GRIA2: variants seen among roughly 807,000 people sequenced by gnomAD.
GRIA2 encodes glutamate ionotropic receptor AMPA type subunit 2.
A neutral mutation model predicts 97.3 loss-of-function variants in GRIA2; 14 were observed. The observed-to-expected ratio is 0.14, with a 90% confidence interval of 0.10 to 0.23. GRIA2 has a LOEUF of 0.23. GRIA2 is among the 10% of genes least tolerant of loss of function. GRIA2 has a pLI of 1.00. For synonymous variants in GRIA2, 412 were observed against 387.8 expected, an observed-to-expected ratio of 1.06 and a Z score of -0.73; for missense variants, 558 against 1,069.8, an observed-to-expected ratio of 0.52 and a Z score of 6.67.
chr4:157,235,295 T>G (rs1730193629), intron 2 of GRIA2, among the ~76,000 whole-genome samples: 1 of 152,124 alleles, frequency 6.6e-6, no homozygotes, highest in Admixed American at 6.6e-5. Flanking sequence ...TACCAATCTG[T>G]TATTGTCTGA....
chr4:157,270,464 A>G (rs1029675413), intron 2 of GRIA2, among the ~76,000 whole-genome samples: 1 of 152,170 alleles, frequency 6.6e-6, no homozygotes, highest in Non-Finnish European at 1.5e-5. Flanking sequence ...ATTTTCCTTG[A>G]TTATTAAAAT....
At chr4:157,290,174 A>G (rs963659595) in intron 2 of GRIA2, among the ~76,000 whole-genome samples, 1 of 151,896 alleles carries the variant, frequency 6.6e-6, no homozygotes, top group Admixed American at 6.6e-5. Flanking sequence ...ATTTCATTCA[A>G]TTAAGTGGTA....
Position 157,364,774 on chromosome 4 carries a change from T to A in GRIA2, c.*1343T>A, listed in dbSNP as rs1736808406. ...AATTTTAAAATATGTTTGAGTCTCC[T>A]GCAATATAGTTTCATCCCATTGACA... On this transcript the variant is annotated 3_prime_UTR_variant, in exon 16 of 16. Coordinates refer to ENST00000264426, the MANE Select transcript of GRIA2 (RefSeq NM_001083619.3). The A allele has an allele frequency of 6.6e-6, 1 of 152,132 alleles. No homozygotes were observed. Among genetic ancestry groups the A allele is most frequent in the Non-Finnish European group, 1.5e-5 (1 of 67,780 alleles). 9.4% of individuals were successfully genotyped at this position (152,132 alleles called of 1,614,324 possible).
intron 3 of GRIA2, among the ~76,000 whole-genome samples, chr4:157,310,726 A>G (rs12331234): frequency 0.36 from 54,265 of 151,894 alleles, 10,222 homozygotes; most frequent in African/African-American, 0.48. Flanking sequence ...AATGAGATCC[A>G]TATATCGCAA....
At chr4:157,277,882 G>GTATATATGTATATATATGTATATACGTA (rs1560743395) in intron 2 of GRIA2, among the ~76,000 whole-genome samples, 1 of 140,996 alleles carries the variant, frequency 7.1e-6, no homozygotes, top group Non-Finnish European at 1.5e-5. Context: ...GTATATATAT[G>GTATATATGTATATATATGTATATACGTA]TATATATGTA....
At position 157,365,229 on chromosome 4, in the gene GRIA2, A is replaced by G. The variant is rs1217370344; in HGVS notation, c.*1798A>G. 2 of 151,710 alleles carry G rather than the reference A, an allele frequency of 1.3e-5. No homozygotes were observed. The highest frequency in any genetic ancestry group is 3.0e-5 in the Non-Finnish European group (2 of 67,676). 9.4% of individuals were successfully genotyped at this position (151,710 alleles called of 1,614,324 possible). On this transcript the variant is annotated 3_prime_UTR_variant, in exon 16 of 16. Coordinates refer to ENST00000264426, the MANE Select transcript of GRIA2 (RefSeq NM_001083619.3). ...ATGTGGTATCATGATATTCTTCACT[A>G]AATTTAGCTGTCCCTAATCACAGAT... is the stretch of plus-strand genomic sequence containing the variant.
At chr4:157,247,347 T>C (rs1385455839) in intron 2 of GRIA2, among the ~76,000 whole-genome samples, 3 of 152,174 alleles carry the variant, frequency 2.0e-5, no homozygotes, top group Non-Finnish European at 2.9e-5. Flanking sequence ...TGCAGGATCA[T>C]TGTGATTGAT....
chr4:157,330,090 G>A (rs1734982027), intron 6 of GRIA2, among the ~76,000 whole-genome samples: 1 of 151,896 alleles, frequency 6.6e-6, no homozygotes, highest in African/African-American at 2.4e-5. Context: ...AGAGAACAAG[G>A]TAAACATGAA....
chr4:157,336,852 T>C, intron 11 of GRIA2, 105 bp downstream of exon 11: 1 of 1,036,462 alleles, frequency 9.6e-7, no homozygotes, highest in Non-Finnish European at 1.4e-6. Flanking sequence ...CGACTTCCTG[T>C]CCAAGCAGTT....
intron 12 of GRIA2, among the ~76,000 whole-genome samples, chr4:157,359,116 TA>T (rs1269219389): frequency 1.3e-5 from 2 of 152,194 alleles, no homozygotes; most frequent in Non-Finnish European, 2.9e-5. Flanking sequence ...TGAGTCTGAA[TA>T]GGAAGTATTC....
At chr4:157,351,857 T>C (rs1736024799) in intron 12 of GRIA2, among the ~76,000 whole-genome samples, 1 of 152,210 alleles carries the variant, frequency 6.6e-6, no homozygotes, top group South Asian at 2.1e-4. Context: ...TTCACCACAA[T>C]TTTAAGTTAA....
At chr4:157,350,588 T>A (rs1046043213) in intron 12 of GRIA2, among the ~76,000 whole-genome samples, 10 of 151,536 alleles carry the variant, frequency 6.6e-5, no homozygotes, top group Non-Finnish European at 1.5e-5. Flanking sequence ...AAAAAAAGGC[T>A]CTAATGAAAT....
chr4:157,225,906 A>G (rs1729723580), intron 2 of GRIA2, among the ~76,000 whole-genome samples: 2 of 152,162 alleles, frequency 1.3e-5, no homozygotes, highest in African/African-American at 2.4e-5. Flanking sequence ...TTAGGAAAAT[A>G]CTAAGTATTT....
intron 2 of GRIA2, among the ~76,000 whole-genome samples, chr4:157,229,167 G>A (rs1158137162): frequency 6.6e-6 from 1 of 152,104 alleles, no homozygotes; most frequent in Admixed American, 6.5e-5. Context: ...TGGACCAATT[G>A]CTCTATTTGC....
At chr4:157,292,484 C>G (rs898564348) in intron 2 of GRIA2, among the ~76,000 whole-genome samples, 1 of 151,700 alleles carries the variant, frequency 6.6e-6, no homozygotes, top group Admixed American at 6.6e-5. Context: ...CCTTGTTACA[C>G]AAGACATAAA....
At chr4:157,345,715 A>G (rs1579380693) in intron 12 of GRIA2, among the ~76,000 whole-genome samples, 1 of 152,134 alleles carries the variant, frequency 6.6e-6, no homozygotes. Context: ...GTAACTCTTC[A>G]TGCCTGTGCT....
In GRIA2 at chr4:157,317,703, G is replaced by T; in HGVS notation, c.712G>T (p.Ala238Ser). 1.6e-6 allele frequency: 2 copies of T among 1,227,424 alleles called. No homozygotes were observed. Among genetic ancestry groups the T allele is most frequent in the South Asian group, 1.3e-5 (1 of 79,894 alleles). 76.0% of individuals were successfully genotyped at this position (1,227,424 alleles called of 1,614,324 possible). A position where few individuals can be genotyped will look rare whatever the true frequency, so the allele number is the denominator to read the frequency against. The change falls in exon 5 of 16, where the codon GCA becomes TCA. Residue 238 changes from alanine to serine, a missense_variant. Ala to Ser is a moderately conservative substitution (Grantham distance 99). Transcript: ENST00000264426. ...KHVKGYHYII[A>S]NLGFTDGDLL... ...TGTTAAAGGGTACCACTACATCATTGCAAATCTGGTAGGTGAATTAATTGG... is the reference window on the plus strand; with the variant it reads ...TGTTAAAGGGTACCACTACATCATTTCAAATCTGGTAGGTGAATTAATTGG...
intron 2 of GRIA2, among the ~76,000 whole-genome samples, chr4:157,257,764 T>C (rs1731343558): frequency 6.6e-6 from 1 of 152,126 alleles, no homozygotes; most frequent in South Asian, 2.1e-4. Flanking sequence ...AGAATCTTGC[T>C]AACTAAGCCT....
chr4:157,278,116 T>G (rs2126807378), intron 2 of GRIA2, among the ~76,000 whole-genome samples: 1 of 151,636 alleles, frequency 6.6e-6, no homozygotes, highest in South Asian at 2.1e-4. Context: ...TTAACAAACT[T>G]ATTTTAAAGT....
Sources: gnomAD v4.1 joint callset for allele counts (sites outside exome capture counted in the v4.1 genomes callset) on GRCh38, gnomAD v4.1.1 for gene constraint, MANE v1.5 for transcripts, NCBI Gene and HGNC (gene_info 2026-07-23, HGNC 2026-07-21) for gene names.